C2orf76: variants seen among roughly 807,000 people sequenced by gnomAD.
C2orf76 encodes UPF0538 protein C2orf76.
C2orf76 carries 23 observed loss-of-function variants against 16.9 expected under a neutral mutation model. The ratio of observed to expected loss-of-function variants is 1.36; its 90% CI spans 0.98 to 1.93. C2orf76 has a LOEUF of 1.93. Ranked by LOEUF, C2orf76 falls within the 30% of genes most tolerant of loss-of-function variation. C2orf76 has a pLI of 0.00. For synonymous variants in C2orf76, 48 were observed against 52.3 expected, an observed-to-expected ratio of 0.92 and a Z score of 0.35; for missense variants, 152 against 152.6, an observed-to-expected ratio of 1.00 and a Z score of 0.02.
intron 1 of C2orf76, among the ~76,000 whole-genome samples, chr2:119,360,303 C>A (rs1351917199): frequency 6.6e-6 from 1 of 151,930 alleles, no homozygotes; most frequent in Admixed American, 6.6e-5. Flanking sequence ...CATGGTGAAA[C>A]CCCGTCTCTA....
rs558231017 is a variant in C2orf76, at chr2:119,363,348, C to A, written c.-13+3442G>T. Among the ~76,000 whole-genome samples, 41 of 150,562 alleles carry A rather than the reference C, an allele frequency of 2.7e-4. 1 individual carries two copies. In the East Asian group the frequency reaches 7.1e-3, roughly 26 times the overall value. On this transcript the variant is annotated intron_variant, in intron 1 of 5. Coordinates refer to ENST00000334816, the MANE Select transcript of C2orf76 (RefSeq NM_001322331.2). ...CTGAGGCAGGAGAATGGCGTGAACC[C>A]GGGAGGCGGAGCTTGCAGTGAGCCG...
rs750769552 is a variant in C2orf76 at position 119,339,949 on chromosome 2, C to A, written c.11G>T (p.Gly4Val). 17 of 1,609,984 alleles carry A rather than the reference C, an allele frequency of 1.1e-5. 1 individual carries two copies. The highest frequency in any genetic ancestry group is 3.3e-4 in the Middle Eastern group (2 of 6,068). Reference protein sequence around the residue: MAPGEVTITVRLIR... With the variant: MAPVEVTITVRLIR... ...GAGGCGAACTGTGATGGTCACTTCT[C>A]CAGGAGCCATGTGAAGAAATTCCTG... The change falls in exon 2 of 6, where the codon GGA becomes GTA. Residue 4 changes from glycine to valine, a missense_variant. Coordinates refer to ENST00000334816, the MANE Select transcript of C2orf76 (RefSeq NM_001322331.2).
intron 1 of C2orf76, among the ~76,000 whole-genome samples, chr2:119,353,221 T>A (rs894712364): frequency 3.3e-5 from 5 of 152,306 alleles, no homozygotes; most frequent in Admixed American, 2.0e-4. Flanking sequence ...ATTATTTTTA[T>A]TATCCTTCTT....
chr2:119,322,563 A>G (rs926816486), intron 2 of C2orf76, among the ~76,000 whole-genome samples: 3 of 152,198 alleles, frequency 2.0e-5, no homozygotes, highest in African/African-American at 7.2e-5. Context: ...AATGACATTC[A>G]TAGAAGGGTA....
intron 5 of C2orf76, among the ~76,000 whole-genome samples, chr2:119,310,487 C>T (rs6735767): frequency 0.077 from 11,743 of 152,018 alleles, 818 homozygotes; most frequent in African/African-American, 0.18. Context: ...ATGCTCATCA[C>T]GTGAATCAAT....
chr2:119,365,937 G>C (rs956239024), intron 1 of C2orf76, among the ~76,000 whole-genome samples: 4 of 152,012 alleles, frequency 2.6e-5, no homozygotes, highest in Non-Finnish European at 5.9e-5. Flanking sequence ...TAGCCAGTCT[G>C]CCACCGCCAA....
chr2:119,331,428 C>T (rs916588018), intron 2 of C2orf76, among the ~76,000 whole-genome samples: 1 of 152,182 alleles, frequency 6.6e-6, no homozygotes, highest in Non-Finnish European at 1.5e-5. Flanking sequence ...TGGTTCTTTC[C>T]CAGGCTTCCA....
At chr2:119,309,656 G>A (rs1344611175) in intron 5 of C2orf76, among the ~76,000 whole-genome samples, 1 of 151,914 alleles carries the variant, frequency 6.6e-6, no homozygotes, top group Non-Finnish European at 1.5e-5. Flanking sequence ...CTGACCTCAA[G>A]TGATCCTCCC....
intron 3 of C2orf76, among the ~76,000 whole-genome samples, chr2:119,319,115 C>T (rs1290758542): frequency 6.6e-6 from 1 of 152,000 alleles, no homozygotes; most frequent in Admixed American, 6.6e-5. Context: ...AAGTCTGTTG[C>T]AATCAACCTG....
At chr2:119,282,399 G>T in the C2orf76 span, among the ~76,000 whole-genome samples, 1 of 152,210 alleles carries the variant, frequency 6.6e-6, no homozygotes, top group East Asian at 1.9e-4. Context: ...TTGGTCTGGG[G>T]TGATTCGGCA....
At chr2:119,284,957 A>G in the C2orf76 span, among the ~76,000 whole-genome samples, 2 of 152,174 alleles carry the variant, frequency 1.3e-5, no homozygotes, top group Non-Finnish European at 2.9e-5. Context: ...TCTGAGCTTC[A>G]GTTTTCTCAT....
the C2orf76 span, among the ~76,000 whole-genome samples, chr2:119,287,561 G>A: frequency 6.6e-6 from 1 of 151,990 alleles, no homozygotes; most frequent in Non-Finnish European, 1.5e-5. Context: ...TTTTAAGATG[G>A]GAAGTCTCTG....
chr2:119,330,842 G>T (rs1232272309), intron 2 of C2orf76, among the ~76,000 whole-genome samples: 1 of 152,086 alleles, frequency 6.6e-6, no homozygotes, highest in Non-Finnish European at 1.5e-5. Context: ...GGCTAATCCT[G>T]TCCAGTGTAT....
rs145192278 is a variant in C2orf76 at position 119,359,479 on chromosome 2, C to A, written c.-13+7311G>T. On this transcript the variant is annotated intron_variant, in intron 1 of 5. Transcript: ENST00000334816. ...TCAGATGGATATGGGCAAAATAATA[C>A]GAAAACCTTCTGGAAAGGATTCACC... 3.3e-5 allele frequency among the ~76,000 whole-genome samples: 5 copies of A among 152,226 alleles called. No homozygotes were observed. The South Asian group carries it at 8.3e-4, about 25-fold the overall frequency.
intron 5 of C2orf76, among the ~76,000 whole-genome samples, chr2:119,308,033 A>G (rs1678853447): frequency 6.6e-6 from 1 of 152,214 alleles, no homozygotes; most frequent in South Asian, 2.1e-4. Context: ...AGAAAACAAA[A>G]TAGAGTTTCA....
intron 1 of C2orf76, among the ~76,000 whole-genome samples, chr2:119,344,219 T>C (rs891549198): frequency 6.6e-6 from 1 of 152,234 alleles, no homozygotes; most frequent in African/African-American, 2.4e-5. Context: ...AGGACCATTA[T>C]CTAATTTGCC....
intron 1 of C2orf76, among the ~76,000 whole-genome samples, chr2:119,365,237 C>A (rs1407395071): frequency 6.6e-6 from 1 of 152,188 alleles, no homozygotes; most frequent in Non-Finnish European, 1.5e-5. Context: ...CTGGCCCACA[C>A]AAGCAATAAT....
chr2:119,306,741 G>A (rs1367150867), intron 5 of C2orf76, among the ~76,000 whole-genome samples: 2 of 151,556 alleles, frequency 1.3e-5, no homozygotes, highest in African/African-American at 2.4e-5. Context: ...TGCTTCTACT[G>A]ATCAAATCTT....
In C2orf76 at chr2:119,348,783, C is replaced by A. The variant is rs147040378; in HGVS notation, c.-12-8812G>T. Among the ~76,000 whole-genome samples the A allele has an allele frequency of 2.8e-3, 426 of 152,090 alleles. 1 individual carries two copies. The highest frequency in any genetic ancestry group is 4.2e-3 in the Non-Finnish European group (285 of 67,986). ...CCCAAGGTGGGCAGGTTGTTTGAGT[C>A]CAGGAGTTCAACAGACCAGCCTGGG... On this transcript the variant is annotated intron_variant, in intron 1 of 5. Transcript: ENST00000334816.
Sources: gnomAD v4.1 joint callset for allele counts (sites outside exome capture counted in the v4.1 genomes callset) on GRCh38, gnomAD v4.1.1 for gene constraint, MANE v1.5 for transcripts, NCBI Gene and HGNC (gene_info 2026-07-23, HGNC 2026-07-21) for gene names.